The following KCNIP4 variants were observed in gnomAD, a reference collection of about 807,000 sequenced individuals.
KCNIP4 encodes the protein potassium voltage-gated channel interacting protein 4.
A neutral mutation model predicts 34.0 loss-of-function variants in KCNIP4; 12 were observed. The ratio of observed to expected loss-of-function variants is 0.35; its 90% CI spans 0.23 to 0.57. KCNIP4 has a LOEUF of 0.57. Among genes scored for constraint, KCNIP4 ranks in the 20% least tolerant of loss-of-function variants. KCNIP4 has a pLI of 0.83. For missense variants in KCNIP4, 238 were observed against 311.7 expected, an observed-to-expected ratio of 0.76 and a Z score of 1.78; for synonymous variants, 124 against 102.2, an observed-to-expected ratio of 1.21 and a Z score of -1.29.
At chr4:20,852,829 A>G (rs1307116238) in intron 2 of KCNIP4, among the ~76,000 whole-genome samples, 2 of 152,178 alleles carry the variant, frequency 1.3e-5, no homozygotes, top group African/African-American at 4.8e-5. Context: ...CTATACACTA[A>G]CAGTGACCAA....
intron 1 of KCNIP4, among the ~76,000 whole-genome samples, chr4:21,281,389 A>G (rs543748489): frequency 1.3e-5 from 2 of 152,142 alleles, no homozygotes; most frequent in East Asian, 1.9e-4. Flanking sequence ...CACCCAGCCA[A>G]AAAACAGCTA....
intron 3 of KCNIP4, among the ~76,000 whole-genome samples, chr4:20,827,481 G>C (rs1717901352): frequency 6.6e-6 from 1 of 151,972 alleles, no homozygotes; most frequent in Non-Finnish European, 1.5e-5. Context: ...CATCCTAAAG[G>C]CCTTATTTAA....
intron 1 of KCNIP4, among the ~76,000 whole-genome samples, chr4:21,623,975 G>A (rs1745153481): frequency 6.6e-6 from 1 of 151,730 alleles, no homozygotes; most frequent in African/African-American, 2.4e-5. Flanking sequence ...GGTGGGTGAT[G>A]GTGATATATA....
At chr4:20,975,637 C>A (rs748209103) in intron 1 of KCNIP4, among the ~76,000 whole-genome samples, 2 of 152,162 alleles carry the variant, frequency 1.3e-5, no homozygotes, top group Non-Finnish European at 2.9e-5. Flanking sequence ...AGACCCCCAT[C>A]CCCTCAATAG....
chr4:21,115,184 T>C (rs756651782), intron 1 of KCNIP4, among the ~76,000 whole-genome samples: 1 of 152,128 alleles, frequency 6.6e-6, no homozygotes, highest in Non-Finnish European at 1.5e-5. Context: ...TTACCCCATG[T>C]GCATATTAAA....
intron 1 of KCNIP4, among the ~76,000 whole-genome samples, chr4:21,940,668 T>C (rs1041501909): frequency 1.3e-5 from 2 of 152,110 alleles, no homozygotes; most frequent in African/African-American, 4.8e-5. Context: ...ATTACCACCA[T>C]TGTACAGAGG....
At chr4:20,787,474 CCTCTT>C (rs1232111775) in intron 3 of KCNIP4, among the ~76,000 whole-genome samples, 1 of 151,916 alleles carries the variant, frequency 6.6e-6, no homozygotes, top group African/African-American at 2.4e-5. Flanking sequence ...TTTTTCTCCT[CCTCTT>C]CTCATATTGA....
chr4:21,191,118 C>T (rs1199384016), intron 1 of KCNIP4, among the ~76,000 whole-genome samples: 1 of 152,054 alleles, frequency 6.6e-6, no homozygotes, highest in Non-Finnish European at 1.5e-5. Context: ...GCAACAGGGT[C>T]CAAAAGAGAA....
intron 1 of KCNIP4, among the ~76,000 whole-genome samples, chr4:21,018,089 T>C (rs1299870212): frequency 6.6e-6 from 1 of 152,214 alleles, no homozygotes; most frequent in Non-Finnish European, 1.5e-5. Flanking sequence ...GAAAAATCAA[T>C]TTGAATGCAT....
At chr4:21,844,906 G>A (rs1723912975) in intron 1 of KCNIP4, 1 of 151,266 alleles carries the variant, frequency 6.6e-6, no homozygotes, top group Non-Finnish European at 1.5e-5. Flanking sequence ...GAAAACCAAG[G>A]CTGAGAAAGG....
chr4:21,256,726 G>T (rs1029932457), intron 1 of KCNIP4, among the ~76,000 whole-genome samples: 3 of 152,206 alleles, frequency 2.0e-5, no homozygotes, highest in Non-Finnish European at 4.4e-5. Flanking sequence ...GGAGAATGTG[G>T]TAATCCAACA....
intron 1 of KCNIP4, among the ~76,000 whole-genome samples, chr4:20,897,057 T>C (rs1204293573): frequency 2.0e-5 from 3 of 152,168 alleles, no homozygotes; most frequent in African/African-American, 7.2e-5. Flanking sequence ...ACTGCTAGTA[T>C]TAGGTAAATA....
At chr4:21,900,691 G>C (rs548831436) in intron 1 of KCNIP4, among the ~76,000 whole-genome samples, 1 of 152,248 alleles carries the variant, frequency 6.6e-6, no homozygotes, top group African/African-American at 2.4e-5. Flanking sequence ...ATTTCTGATT[G>C]TATGTCTAGT....
intron 1 of KCNIP4, among the ~76,000 whole-genome samples, chr4:21,304,840 T>A (rs1712263237): frequency 6.6e-6 from 1 of 152,104 alleles, no homozygotes; most frequent in Non-Finnish European, 1.5e-5. Flanking sequence ...TATCTTAGAG[T>A]TTAGCAGCTA....
chr4:21,820,459 T>G (rs1722291857), intron 1 of KCNIP4, among the ~76,000 whole-genome samples: 1 of 151,788 alleles, frequency 6.6e-6, no homozygotes, highest in Non-Finnish European at 1.5e-5. Context: ...GCCAATTGGA[T>G]GTATACAAAT....
rs770853434 is a variant in KCNIP4 at position 20,734,679 on chromosome 4, A to G, written c.486T>C (p.Asn162=). 1.2e-5 allele frequency: 20 copies of G among 1,603,770 alleles called. No homozygotes were observed. Among genetic ancestry groups the G allele is most frequent in the African/African-American group, 4.0e-5 (3 of 74,372 alleles). ...TTATGTCATACAGATTAAATGCCCA[A>G]TTGAGTTTTTCTTGTACTGTCCCCC... ...LLRGTVQEKL[N]WAFNLYDINK... is the part of the protein sequence containing the mutation. Residue 162 remains asparagine (N), a synonymous_variant, in exon 6 of 9, where the codon AAT becomes AAC. Coordinates refer to ENST00000382152, the MANE Select transcript of KCNIP4 (RefSeq NM_025221.6).
intron 1 of KCNIP4, among the ~76,000 whole-genome samples, chr4:21,183,229 TACC>T: frequency 6.6e-6 from 1 of 152,172 alleles, no homozygotes; most frequent in East Asian, 1.9e-4. Context: ...TGTGTATATG[TACC>T]ACATTTTATT....
At chr4:21,344,506 A>T (rs1171268715) in intron 1 of KCNIP4, among the ~76,000 whole-genome samples, 2 of 152,150 alleles carry the variant, frequency 1.3e-5, no homozygotes, top group Non-Finnish European at 2.9e-5. Flanking sequence ...GATAAATTAT[A>T]TTTGTTGAAT....
intron 2 of KCNIP4, among the ~76,000 whole-genome samples, chr4:20,879,084 T>C (rs1724391463): frequency 6.6e-6 from 1 of 152,094 alleles, no homozygotes; most frequent in East Asian, 1.9e-4. Flanking sequence ...TGGCTGTGCA[T>C]TCATCCGCAT....
Sources: gnomAD v4.1 joint callset for allele counts (sites outside exome capture counted in the v4.1 genomes callset) on GRCh38, gnomAD v4.1.1 for gene constraint, MANE v1.5 for transcripts, NCBI Gene and HGNC (gene_info 2026-07-23, HGNC 2026-07-21) for gene names.